NAV2: variants seen among roughly 807,000 people sequenced by gnomAD.
NAV2 encodes the protein helicase, APC down-regulated 1.
Under a neutral mutation model 223.2 loss-of-function variants are expected in NAV2, and 54 were observed. That is an observed-to-expected ratio of 0.24 (90% CI 0.19 to 0.30). The LOEUF (loss-of-function observed/expected upper bound fraction) is 0.30. NAV2 is among the 10% of genes least tolerant of loss of function. The pLI is 1.00. For synonymous variants in NAV2, 1,279 were observed against 1,239.3 expected, an observed-to-expected ratio of 1.03 and a Z score of -0.67; for missense variants, 2,806 against 3,147.5, an observed-to-expected ratio of 0.89 and a Z score of 2.60.
intron 1 of NAV2, among the ~76,000 whole-genome samples, chr11:19,658,270 C>T (rs2048182618): frequency 6.6e-6 from 1 of 152,046 alleles, no homozygotes; most frequent in African/African-American, 2.4e-5. Context: ...AGTCAGGCTG[C>T]CTGACTCCAG....
chr11:19,890,554 C>G (rs1357910068), intron 5 of NAV2, among the ~76,000 whole-genome samples: 1 of 152,182 alleles, frequency 6.6e-6, no homozygotes, highest in East Asian at 1.9e-4. Context: ...CTGACATCAT[C>G]TTGGAACAAG....
chr11:19,835,394 T>C (rs1488309396), intron 2 of NAV2, among the ~76,000 whole-genome samples: 1 of 152,202 alleles, frequency 6.6e-6, no homozygotes, highest in Admixed American at 6.5e-5. Context: ...AACTCTGCTC[T>C]GTATGTAGAG....
chr11:19,624,863 G>C (rs1295923049), intron 1 of NAV2, among the ~76,000 whole-genome samples: 1 of 152,208 alleles, frequency 6.6e-6, no homozygotes, highest in Non-Finnish European at 1.5e-5. Flanking sequence ...GGGAGCTGTA[G>C]ACTGGAGCTC....
intron 1 of NAV2, among the ~76,000 whole-genome samples, chr11:19,754,130 T>A (rs539253301): frequency 6.6e-6 from 1 of 152,218 alleles, no homozygotes; most frequent in Non-Finnish European, 1.5e-5. Context: ...TAGTCCAGGA[T>A]ACAATGACCA....
At chr11:19,966,378 C>T (rs1329820679) in intron 10 of NAV2, among the ~76,000 whole-genome samples, 2 of 152,206 alleles carry the variant, frequency 1.3e-5, no homozygotes, top group East Asian at 3.9e-4. Context: ...CTTTCTTGTA[C>T]ATTATGTATC....
At chr11:20,028,541 A>T (rs2055338734) in intron 11 of NAV2, among the ~76,000 whole-genome samples, 1 of 152,184 alleles carries the variant, frequency 6.6e-6, no homozygotes, top group Non-Finnish European at 1.5e-5. Flanking sequence ...TGATTAAGCT[A>T]GTTAACAGAT....
intron 1 of NAV2, among the ~76,000 whole-genome samples, chr11:19,397,917 A>T (rs1849527268): frequency 6.6e-6 from 1 of 152,194 alleles, no homozygotes; most frequent in African/African-American, 2.4e-5. Flanking sequence ...AAAGGGCAGC[A>T]GCAGTGCCTC....
intron 1 of NAV2, among the ~76,000 whole-genome samples, chr11:19,648,401 G>A (rs2047875920): frequency 6.6e-6 from 1 of 152,194 alleles, no homozygotes; most frequent in African/African-American, 2.4e-5. Flanking sequence ...TTGCAAACAT[G>A]CCAAATGAGA....
intron 1 of NAV2, among the ~76,000 whole-genome samples, chr11:19,830,053 CA>C (rs2059846732): frequency 6.6e-6 from 1 of 152,082 alleles, no homozygotes; most frequent in Non-Finnish European, 1.5e-5. Flanking sequence ...GGTGAAGCCT[CA>C]TCTCTACTAA....
intron 4 of NAV2, among the ~76,000 whole-genome samples, chr11:19,878,275 G>T (rs1416508595): frequency 3.3e-5 from 5 of 152,218 alleles, no homozygotes; most frequent in Non-Finnish European, 7.3e-5. Context: ...TTTAAGGTAT[G>T]AAGCTGGAGC....
intron 1 of NAV2, among the ~76,000 whole-genome samples, chr11:19,463,903 C>G (rs1852254064): frequency 6.6e-6 from 1 of 152,064 alleles, no homozygotes; most frequent in Non-Finnish European, 1.5e-5. Context: ...AGTCAGGGGA[C>G]CCTCACCATG....
intron 14 of NAV2, among the ~76,000 whole-genome samples, chr11:20,048,161 G>T (rs1051840106): frequency 6.6e-6 from 1 of 152,298 alleles, no homozygotes; most frequent in South Asian, 2.1e-4. Flanking sequence ...GGCTTCAAAA[G>T]ATACATCTTT....
In NAV2 at chr11:19,579,628, C is replaced by G. The variant is rs530490469; in HGVS notation, c.75+228601C>G. On this transcript the variant is annotated intron_variant, in intron 1 of 37. Coordinates refer to the NAV2 transcript ENST00000360655. Reference sequence around the variant, plus strand: ...GAAGATAGGAAGGAAATAGACACTTCGTTGTAAGGCAATAAGAAAGAGTAA... The same window carrying G: ...GAAGATAGGAAGGAAATAGACACTTGGTTGTAAGGCAATAAGAAAGAGTAA... Among the ~76,000 whole-genome samples the G allele has an allele frequency of 3.3e-5, 5 of 152,286 alleles. No homozygotes were observed. The South Asian group carries it at 1.0e-3, about 32-fold the overall frequency.
intron 12 of NAV2, among the ~76,000 whole-genome samples, chr11:20,036,535 G>T (rs1249913084): frequency 1.3e-5 from 2 of 152,166 alleles, no homozygotes; most frequent in African/African-American, 4.8e-5. Context: ...GAGAACCCTG[G>T]ACCGGAAGGC....
At position 19,663,142 on chromosome 11, in the gene NAV2, C is replaced by T. The variant is rs144484189; in HGVS notation, c.76-169342C>T. 2.6e-5 allele frequency among the ~76,000 whole-genome samples: 4 copies of T among 152,296 alleles called. No individual in the cohort carries two copies. The East Asian group carries it at 5.8e-4, about 22-fold the overall frequency. On this transcript the variant is annotated intron_variant, in intron 1 of 37. Coordinates refer to the NAV2 transcript ENST00000360655. ...ACCTGGAAACCCAATATCTCTCACA[C>T]AAGACAGTGTGTATGTGTGTAGAGT...
intron 6 of NAV2, among the ~76,000 whole-genome samples, chr11:19,930,083 C>G (rs1339712979): frequency 6.6e-6 from 1 of 152,170 alleles, no homozygotes; most frequent in Non-Finnish European, 1.5e-5. Context: ...CTTTATTCAA[C>G]TCTGTGTTCC....
chr11:20,029,599 G>A (rs916270030), intron 11 of NAV2, among the ~76,000 whole-genome samples: 1 of 152,218 alleles, frequency 6.6e-6, no homozygotes, highest in Non-Finnish European at 1.5e-5. Flanking sequence ...GGTCAAGGCA[G>A]GGAAAACTCT....
At chr11:20,085,832 C>A (rs998222981) in intron 26 of NAV2, among the ~76,000 whole-genome samples, 1 of 152,126 alleles carries the variant, frequency 6.6e-6, no homozygotes, top group African/African-American at 2.4e-5. Context: ...AAGGACCAGG[C>A]CTAGAAGAGG....
chr11:20,089,228 T>A (rs1592089636), intron 26 of NAV2, among the ~76,000 whole-genome samples: 1 of 152,218 alleles, frequency 6.6e-6, no homozygotes, highest in East Asian at 1.9e-4. Context: ...ATTTTGAAGC[T>A]AAGAATCTTC....
Sources: allele counts gnomAD v4.1 joint callset (sites outside exome capture counted in the v4.1 genomes callset), GRCh38; gene constraint gnomAD v4.1.1; transcripts MANE v1.5; gene names NCBI Gene and HGNC (gene_info 2026-07-23, HGNC 2026-07-21).